The following MTM1 variants were observed in gnomAD, a reference collection of about 807,000 sequenced individuals.
MTM1 encodes the protein myotubularin.
Under a neutral mutation model 52.1 loss-of-function variants are expected in MTM1, and 9 were observed. That is an observed-to-expected ratio of 0.17 (90% CI 0.10 to 0.30). MTM1 has a LOEUF of 0.30. Ranked by LOEUF, MTM1 falls within the 10% of genes least tolerant of loss-of-function variation. MTM1 has a pLI of 1.00. For missense variants in MTM1, 277 were observed against 470.7 expected, an observed-to-expected ratio of 0.59 and a Z score of 3.81; for synonymous variants, 136 against 163.8, an observed-to-expected ratio of 0.83 and a Z score of 1.29.
chrX:150,573,956 G>A (rs1160044958), intron 1 of MTM1, among the ~76,000 whole-genome samples: 2 of 111,580 alleles, frequency 1.8e-5, no homozygotes, highest in African/African-American at 3.3e-5. Context: ...AGGGCGCTGC[G>A]GTTAACACGG....
intron 6 of MTM1, among the ~76,000 whole-genome samples, chrX:150,626,288 A>T (rs1180567090): frequency 8.9e-6 from 1 of 112,003 alleles, no homozygotes; most frequent in Non-Finnish European, 1.9e-5. Flanking sequence ...CTATGAATGG[A>T]GAATTAACAT....
chrX:150,646,730 T>C (rs2039937392), intron 9 of MTM1, among the ~76,000 whole-genome samples: 1 of 112,926 alleles, frequency 8.9e-6, no homozygotes, highest in Non-Finnish European at 1.9e-5. Context: ...TCATATTTAA[T>C]ACATTGCTTA....
chrX:150,592,469 C>T, intron 1 of MTM1, 136 bp from the exon 2 acceptor site: 1 of 504,326 alleles, frequency 2.0e-6, no homozygotes. Flanking sequence ...CTTATTACCA[C>T]TGGGGCCTAG....
At chrX:150,651,061 A>T (rs1350916204) in intron 10 of MTM1, among the ~76,000 whole-genome samples, 2 of 112,081 alleles carry the variant, frequency 1.8e-5, no homozygotes, top group African/African-American at 6.5e-5. Flanking sequence ...TGTTCCTTCC[A>T]CTGACTTTGC....
chrX:150,656,877 C>T (rs1447141383), intron 10 of MTM1, among the ~76,000 whole-genome samples: 5 of 112,297 alleles, frequency 4.5e-5, no homozygotes, highest in Non-Finnish European at 9.4e-5. Context: ...AAAAACTGCT[C>T]ATCATCACTG....
chrX:150,615,237 G>T (rs1169033610), intron 5 of MTM1, among the ~76,000 whole-genome samples: 3 of 111,563 alleles, frequency 2.7e-5, no homozygotes, highest in African/African-American at 9.8e-5. Flanking sequence ...CTCTGAGATG[G>T]CGTGATGGGA....
At chrX:150,603,987 CAAGA>C (rs1351831478) in intron 4 of MTM1, among the ~76,000 whole-genome samples, 1 of 111,519 alleles carries the variant, frequency 9.0e-6, no homozygotes, top group East Asian at 2.8e-4. Flanking sequence ...GAGAGAATCT[CAAGA>C]AGGAAGGGAG....
At chrX:150,564,470 C>T (rs1461234240), upstream of MTM1, among the ~76,000 whole-genome samples, 1 of 111,453 alleles carries the variant, frequency 9.0e-6, no homozygotes, top group South Asian at 3.7e-4. Context: ...GCAACCTCCG[C>T]CTCCCGGGTT....
At chrX:150,583,911 T>A (rs868973404) in intron 1 of MTM1, among the ~76,000 whole-genome samples, 5 of 38,594 alleles carry the variant, frequency 1.3e-4, no homozygotes, top group Non-Finnish European at 1.9e-4. Flanking sequence ...TATATATATA[T>A]AATATAAAAT....
At chrX:150,598,054 T>A (rs1435109614) in intron 3 of MTM1, among the ~76,000 whole-genome samples, 1 of 111,607 alleles carries the variant, frequency 9.0e-6, no homozygotes. Flanking sequence ...GCCACTGAAC[T>A]CCAGCTTGGG....
chrX:150,563,492 T>G (rs1468892099), upstream of MTM1, among the ~76,000 whole-genome samples: 1 of 105,966 alleles, frequency 9.4e-6, no homozygotes, highest in East Asian at 3.1e-4. Flanking sequence ...TTTTTGTATT[T>G]TTAGTAGAGA....
intron 3 of MTM1, 40 bp from the exon 4 acceptor site, chrX:150,598,552 C>A: frequency 1.2e-6 from 1 of 808,006 alleles, no homozygotes; most frequent in Non-Finnish European, 1.9e-6. Context: ...ATCTTGGTAT[C>A]TATTTCCATT....
At chrX:150,581,315 G>A (rs2038579814) in intron 1 of MTM1, among the ~76,000 whole-genome samples, 1 of 111,666 alleles carries the variant, frequency 9.0e-6, no homozygotes, top group African/African-American at 3.3e-5. Context: ...ACCATCAAAG[G>A]GGACTACTTT....
intron 9 of MTM1, among the ~76,000 whole-genome samples, chrX:150,646,279 G>A (rs782131152): frequency 5.3e-5 from 6 of 112,335 alleles, no homozygotes; most frequent in East Asian, 2.8e-4. Flanking sequence ...CCCCATACCC[G>A]TATATACTCA....
chrX:150,657,391 G>A (rs2040136765), intron 10 of MTM1, among the ~76,000 whole-genome samples: 2 of 106,299 alleles, frequency 1.9e-5, no homozygotes, highest in South Asian at 4.4e-4. Context: ...CCCAAACACC[G>A]CATGTTCTCA....
intron 4 of MTM1, among the ~76,000 whole-genome samples, chrX:150,608,829 G>T (rs222360): frequency 0.09 from 8,792 of 98,161 alleles, 418 homozygotes; most frequent in African/African-American, 0.15. Context: ...TGATGATGAT[G>T]ATTATTATTA....
chrX:150,636,788 C>T (rs2039759932), intron 6 of MTM1, among the ~76,000 whole-genome samples: 1 of 112,134 alleles, frequency 8.9e-6, no homozygotes, highest in African/African-American at 3.2e-5. Flanking sequence ...GTGCCAAGTA[C>T]TGACCAGCGC....
At chrX:150,579,167 G>A (rs1227158512) in intron 1 of MTM1, among the ~76,000 whole-genome samples, 2 of 110,225 alleles carry the variant, frequency 1.8e-5, no homozygotes, top group Admixed American at 1.9e-4. Context: ...CGATTCTCCC[G>A]CCTCAACCTC....
chrX:150,665,572 C>A (rs781898419), intron 14 of MTM1, among the ~76,000 whole-genome samples: 17 of 112,333 alleles, frequency 1.5e-4, no homozygotes, highest in South Asian at 3.7e-4. Context: ...GTTGTGTGAG[C>A]CAGAAGGTAT....
Sources: allele counts gnomAD v4.1 joint callset (sites outside exome capture counted in the v4.1 genomes callset), GRCh38; gene constraint gnomAD v4.1.1; transcripts MANE v1.5; gene names NCBI Gene and HGNC (gene_info 2026-07-23, HGNC 2026-07-21).